Variants in KHK observed in about 807,000 individuals in gnomAD.
KHK encodes fructokinase.
A neutral mutation model predicts 36.0 loss-of-function variants in KHK; 37 were observed. The observed-to-expected ratio is 1.03, with a 90% CI of 0.79 to 1.35. The LOEUF (loss-of-function observed/expected upper bound fraction) is 1.35. Ranked by LOEUF, KHK falls within the 40% of genes most tolerant of loss-of-function variation. KHK has a pLI of 0.00. For missense variants in KHK, 395 were observed against 391.9 expected (o/e 1.01, Z -0.07); for synonymous variants, 161 against 162.8 (o/e 0.99, Z 0.08).
intron 2 of KHK, chr2:27,094,584 G>A (rs746852007): frequency 1.2e-6 from 2 of 1,614,140 alleles, no homozygotes; most frequent in South Asian, 2.2e-5. Flanking sequence ...GAGGCCAGTG[G>A]TAGCCGCACC....
rs772283160 is a variant in KHK, at chr2:27,087,233, C to A, written c.-27C>A. On this transcript the variant is annotated 5_prime_UTR_variant, in exon 1 of 8. Coordinates refer to ENST00000260598, the MANE Select transcript of KHK (RefSeq NM_006488.3). The stretch of plus-strand genomic sequence containing the variant: ...GCCGGGAGGAACCCCGTCAGCCGGG[C>A]GGGCAGGAAGCTCTGGGAGTAGCCT... 4 of 1,554,086 alleles carry A rather than the reference C, an allele frequency of 2.6e-6. No homozygotes were observed. The highest frequency in any genetic ancestry group is 3.5e-6 in the Non-Finnish European group (4 of 1,144,756).
At position 27,096,377 on chromosome 2, in the gene KHK, T is replaced by A. The variant is rs541484570; in HGVS notation, c.345-352T>A. Reference sequence around the variant, plus strand: ...CTTTATACTTTCCCAGGGCTCTGCCTGTGGGAGCCGTGTGCTGCTGCAAGG... The same window carrying A: ...CTTTATACTTTCCCAGGGCTCTGCCAGTGGGAGCCGTGTGCTGCTGCAAGG... On this transcript the variant is annotated intron_variant, in intron 3 of 7. Transcript: ENST00000260598. 6.6e-5 allele frequency among the ~76,000 whole-genome samples: 10 copies of A among 152,244 alleles called. No individual in the cohort carries two copies. The East Asian group carries it at 1.7e-3, about 27-fold the overall frequency.
In KHK at chr2:27,096,602, T is replaced by G; in HGVS notation, c.345-127T>G. ...AGCTGAGCCTGAGAATCCTGTGCTG[T>G]GGATCCAGCTTCCTGTCATGCTGCC... On this transcript the variant is annotated intron_variant, in intron 3 of 7. Transcript: ENST00000260598. The G allele has an allele frequency of 3.8e-6, 3 of 789,776 alleles. No individual in the cohort carries two copies. The South Asian group carries it at 4.1e-5, about 11-fold the overall frequency. 48.9% of individuals were successfully genotyped at this position (789,776 alleles called of 1,614,324 possible).
rs112920456 is a variant in KHK at position 27,092,398 on chromosome 2, C to T, written c.159C>T (p.Leu53=). ...ACTCCTGCACCGTTCTCTCCCTGCT[C>T]GGAGCCCCCTGTGCCTTCATGGGCT... ...ASNSCTVLSL[L]GAPCAFMGSM... is the part of the protein sequence containing the mutation. The change falls in exon 2 of 8, where the codon CTC becomes CTT. Residue 53 remains leucine (L), a synonymous_variant. Transcript: ENST00000260598. 8.0e-4 allele frequency: 1,288 copies of T among 1,613,628 alleles called. 9 individuals are homozygous for T. In the African/African-American group the frequency reaches 0.015, roughly 19 times the overall value.
chr2:27,097,802 T>G (rs771446238), intron 5 of KHK, among the ~76,000 whole-genome samples, 153 bp downstream of exon 5: 1 of 152,182 alleles, frequency 6.6e-6, no homozygotes, highest in Non-Finnish European at 1.5e-5. Context: ...AGCAAAGAAG[T>G]AGACCCCTAG....
chr2:27,089,667 C>T (rs1669869235), intron 1 of KHK, among the ~76,000 whole-genome samples: 1 of 152,222 alleles, frequency 6.6e-6, no homozygotes, highest in African/African-American at 2.4e-5. Context: ...CCCGCAGCCC[C>T]ATGGCCCTGG....
intron 2 of KHK, chr2:27,094,586 A>G (rs768299940): frequency 6.2e-7 from 1 of 1,614,192 alleles, no homozygotes; most frequent in Non-Finnish European, 8.5e-7. Context: ...GGCCAGTGGT[A>G]GCCGCACCAT....
At chr2:27,096,482 G>A (rs112023339) in intron 3 of KHK, among the ~76,000 whole-genome samples, 39 of 152,244 alleles carry the variant, frequency 2.6e-4, no homozygotes, top group African/African-American at 9.2e-4. Context: ...CTTGCCAGTT[G>A]ACATGTGTTG....
intron 7 of KHK, 41 bp from the exon 8 acceptor site, chr2:27,099,624 C>T (rs748640362): frequency 4.3e-6 from 7 of 1,614,006 alleles, no homozygotes; most frequent in Non-Finnish European, 8.5e-7. Flanking sequence ...CTGTCCCTGC[C>T]CCAAACACCT....
At position 27,094,913 on chromosome 2, in the gene KHK, G is replaced by T. The variant is rs768749071; in HGVS notation, c.323G>T (p.Arg108Leu). 4 of 1,613,962 alleles carry T rather than the reference G, an allele frequency of 2.5e-6. No individual in the cohort carries two copies. Among genetic ancestry groups the T allele is most frequent in the Non-Finnish European group, 2.5e-6 (3 of 1,180,038 alleles). ...CCIINNSNGN[R>L]TIVLHDTSLP... ...ATCATCAACAACTCCAATGGCAACC[G>T]TACCATTGTGCTCCATGACACGTAA... is the stretch of plus-strand genomic sequence containing the variant. The change falls in exon 3 of 8, where the codon CGT becomes CTT. Residue 108 changes from arginine (R) to leucine (L), a missense_variant. Arg to Leu is a moderately radical substitution (Grantham distance 102). Coordinates refer to ENST00000260598, the MANE Select transcript of KHK (RefSeq NM_006488.3).
At chr2:27,096,147 T>C (rs1470800461) in intron 3 of KHK, among the ~76,000 whole-genome samples, 1 of 152,222 alleles carries the variant, frequency 6.6e-6, no homozygotes, top group Non-Finnish European at 1.5e-5. Context: ...AGTTGAGGTC[T>C]CTGGCTCAGG....
chr2:27,097,469 C>G, intron 4 of KHK, 34 bp from the exon 5 acceptor site: 2 of 1,611,914 alleles, frequency 1.2e-6, no homozygotes, highest in Non-Finnish European at 1.7e-6. Flanking sequence ...CCAGGCAGTG[C>G]CCAGCGGTCC....
intron 1 of KHK, among the ~76,000 whole-genome samples, chr2:27,089,687 G>A (rs1669871027): frequency 6.6e-6 from 1 of 152,170 alleles, no homozygotes; most frequent in Non-Finnish European, 1.5e-5. Context: ...GTTCCCTGCA[G>A]CCTGGCTCCT....
At position 27,099,709 on chromosome 2, in the gene KHK, G is replaced by C; in HGVS notation, c.856G>C (p.Gly286Arg). Residue 286 changes from glycine to arginine, a missense_variant, in exon 8 of 8, where the codon GGC (glycine) becomes CGC (arginine). By Grantham distance (125) the Gly-to-Arg change is moderately radical. Coordinates refer to ENST00000260598, the MANE Select transcript of KHK (RefSeq NM_006488.3). ...EALRFGCQVA[G>R]KKCGLQGFDG... ...ACTGAGATTCGGGTGCCAGGTGGCC[G>C]GCAAGAAGTGTGGCCTGCAGGGCTT... 6.2e-7 allele frequency: 1 copy of C among 1,614,132 alleles called. No homozygotes were observed. Among genetic ancestry groups the C allele is most frequent in the South Asian group, 1.1e-5 (1 of 91,086 alleles).
chr2:27,100,533 T>C lies in KHK; in HGVS notation c.*783T>C. 6 of 1,290,868 alleles carry C rather than the reference T, an allele frequency of 4.6e-6. No homozygotes were observed. Among genetic ancestry groups the C allele is most frequent in the Non-Finnish European group, 6.1e-6 (6 of 988,778 alleles). 80.0% of individuals were successfully genotyped at this position (1,290,868 alleles called of 1,614,324 possible). A position where few individuals can be genotyped will look rare whatever the true frequency, so the allele number is the denominator to read the frequency against. On this transcript the variant is annotated 3_prime_UTR_variant, in exon 8 of 8. Coordinates refer to ENST00000260598, the MANE Select transcript of KHK (RefSeq NM_006488.3). ...AATTGGGGCCAACTCCAATATAGGG[T>C]GGGTAAGGCCTTATAATGTAAAGAG...
intron 2 of KHK, among the ~76,000 whole-genome samples, chr2:27,093,268 T>C (rs1186809673): frequency 6.6e-6 from 1 of 152,060 alleles, no homozygotes; most frequent in Non-Finnish European, 1.5e-5. Context: ...AGGAAGAGAA[T>C]AGAGGGAGAG....
In KHK at chr2:27,100,353, G is replaced by T; in HGVS notation, c.*603G>T. 1 of 1,106,568 alleles carries T rather than the reference G, an allele frequency of 9.0e-7. No homozygotes were observed. Among genetic ancestry groups the T allele is most frequent in the Non-Finnish European group, 1.2e-6 (1 of 823,326 alleles). The allele number at this position is 1,106,568 out of a possible 1,614,324, so 68.5% of individuals were successfully genotyped here. On this transcript the variant is annotated 3_prime_UTR_variant, in exon 8 of 8. Transcript: ENST00000260598. ...CCTGTGATTTGATGGGGTCTTCATT[G>T]TCCAGAAATACCTCCTCCCGCTGAC...
chr2:27,100,304 C>A lies in KHK; in HGVS notation c.*554C>A, dbSNP rs558714226. On this transcript the variant is annotated 3_prime_UTR_variant, in exon 8 of 8. Transcript: ENST00000260598. Reference sequence around the variant, plus strand: ...GACAGGCCAGTGGGGGGCAGGGGTGCGCCTCCTCTGCCCTGCCCACCAGCC... The same window carrying A: ...GACAGGCCAGTGGGGGGCAGGGGTGAGCCTCCTCTGCCCTGCCCACCAGCC... 1.2e-5 allele frequency: 7 copies of A among 572,914 alleles called. No homozygotes were observed. Among genetic ancestry groups the A allele is most frequent in the Non-Finnish European group, 2.0e-5 (7 of 355,688 alleles). 35.5% of individuals were successfully genotyped at this position (572,914 alleles called of 1,614,324 possible). A position where few individuals can be genotyped will look rare whatever the true frequency, so the allele number is the denominator to read the frequency against.
intron 5 of KHK, among the ~76,000 whole-genome samples, chr2:27,098,180 G>C (rs1232010818): frequency 1.3e-5 from 2 of 152,094 alleles, no homozygotes; most frequent in African/African-American, 4.8e-5. Context: ...ATCCAGCCAA[G>C]GTCCTCAACC....
Sources: allele counts gnomAD v4.1 joint callset (sites outside exome capture counted in the v4.1 genomes callset), GRCh38; gene constraint gnomAD v4.1.1; transcripts MANE v1.5; gene names NCBI Gene and HGNC (gene_info 2026-07-23, HGNC 2026-07-21).